The following IL1RAPL1 variants were observed in gnomAD, a reference collection of about 807,000 sequenced individuals.
IL1RAPL1 encodes the protein interleukin-1 receptor accessory protein-like 1.
Under a neutral mutation model 48.4 loss-of-function variants are expected in IL1RAPL1, and 3 were observed. The observed-to-expected ratio is 0.06, with a 90% CI of 0.03 to 0.16. The LOEUF (loss-of-function observed/expected upper bound fraction) is 0.16. Ranked by LOEUF, IL1RAPL1 falls within the 10% of genes least tolerant of loss-of-function variation. IL1RAPL1 has a pLI of 1.00. For missense variants in IL1RAPL1, 349 were observed against 530.6 expected (o/e 0.66, Z 3.36); for synonymous variants, 185 against 187.7 (o/e 0.99, Z 0.12).
intron 2 of IL1RAPL1, among the ~76,000 whole-genome samples, chrX:29,055,614 A>G (rs753928849): frequency 1.3e-3 from 141 of 112,024 alleles, no homozygotes; most frequent in South Asian, 5.9e-3. Flanking sequence ...GCTATGTCCT[A>G]CTTTATTTTG....
chrX:29,673,989 A>G (rs916883348), intron 6 of IL1RAPL1, among the ~76,000 whole-genome samples: 1 of 112,540 alleles, frequency 8.9e-6, no homozygotes, highest in Non-Finnish European at 1.9e-5. Context: ...TCATTGTATG[A>G]CCTAACTTAC....
chrX:29,660,785 T>C (rs1054043804), intron 5 of IL1RAPL1, among the ~76,000 whole-genome samples: 14 of 112,210 alleles, frequency 1.2e-4, no homozygotes, highest in African/African-American at 4.5e-4. Flanking sequence ...AACTTTGTTC[T>C]TTCTGATTAG....
intron 1 of IL1RAPL1, among the ~76,000 whole-genome samples, chrX:28,628,258 CTA>C (rs1036849246): frequency 8.9e-6 from 1 of 111,914 alleles, no homozygotes; most frequent in Non-Finnish European, 1.9e-5. Flanking sequence ...CTGCTGCAAT[CTA>C]TTAACCAAAA....
chrX:29,723,172 A>G (rs1020263105), intron 6 of IL1RAPL1, among the ~76,000 whole-genome samples: 22 of 112,409 alleles, frequency 2.0e-4, no homozygotes, highest in African/African-American at 6.1e-4. Context: ...TACATTCCCT[A>G]TGATTTTTTA....
At chrX:29,283,755 TCCC>T (rs763154375) in intron 3 of IL1RAPL1, among the ~76,000 whole-genome samples, 64 of 112,225 alleles carry the variant, frequency 5.7e-4, no homozygotes, top group African/African-American at 2.0e-3. Flanking sequence ...ACAAAAATCT[TCCC>T]AAGTCTTTCA....
intron 5 of IL1RAPL1, among the ~76,000 whole-genome samples, chrX:29,529,673 T>G (rs1211019501): frequency 1.8e-5 from 2 of 109,765 alleles, no homozygotes; most frequent in African/African-American, 3.3e-5. Flanking sequence ...TTTCCTGAGT[T>G]TGATCACTGA....
At chrX:29,672,963 C>T (rs1926178230) in intron 6 of IL1RAPL1, among the ~76,000 whole-genome samples, 1 of 111,816 alleles carries the variant, frequency 8.9e-6, no homozygotes, top group African/African-American at 3.2e-5. Flanking sequence ...AAACATAGAT[C>T]TTAGTAAAAG....
At chrX:29,902,502 C>T (rs1042128677) in intron 6 of IL1RAPL1, among the ~76,000 whole-genome samples, 2 of 111,125 alleles carry the variant, frequency 1.8e-5, no homozygotes, top group African/African-American at 6.5e-5. Flanking sequence ...TGCCTCTCTT[C>T]ATTTGATTAC....
At chrX:29,240,825 C>T (rs1450474529) in intron 2 of IL1RAPL1, among the ~76,000 whole-genome samples, 1 of 111,889 alleles carries the variant, frequency 8.9e-6, no homozygotes, top group Non-Finnish European at 1.9e-5. Context: ...GACACTAATA[C>T]ATGAAGCACA....
chrX:28,759,013 G>T (rs983959617), intron 1 of IL1RAPL1, among the ~76,000 whole-genome samples: 14 of 112,211 alleles, frequency 1.2e-4, no homozygotes, highest in African/African-American at 4.2e-4. Context: ...GAGGAGGGCA[G>T]ATCACCTAAG....
At chrX:29,577,197 T>C (rs1922804556) in intron 5 of IL1RAPL1, among the ~76,000 whole-genome samples, 2 of 112,045 alleles carry the variant, frequency 1.8e-5, no homozygotes, top group African/African-American at 6.5e-5. Flanking sequence ...AGGGCACATA[T>C]CTTTTGTCAT....
chrX:29,342,150 GTGTGTT>G (rs1280374074), intron 3 of IL1RAPL1, among the ~76,000 whole-genome samples: 1,205 of 93,824 alleles, frequency 0.013, 9 homozygotes, highest in African/African-American at 0.02. Context: ...GTGTGTGTGT[GTGTGTT>G]TGTTTTGTTT....
At chrX:29,850,957 C>CT (rs1414144094) in intron 6 of IL1RAPL1, among the ~76,000 whole-genome samples, 3 of 111,744 alleles carry the variant, frequency 2.7e-5, no homozygotes, top group African/African-American at 9.8e-5. Flanking sequence ...ATACCAAGAA[C>CT]TTTCTCCCTT....
At chrX:29,036,943 G>A (rs994514081) in intron 2 of IL1RAPL1, among the ~76,000 whole-genome samples, 1 of 111,723 alleles carries the variant, frequency 9.0e-6, no homozygotes, top group Non-Finnish European at 1.9e-5. Flanking sequence ...TGTATTACTC[G>A]AAACATAATT....
chrX:29,200,385 CAAAA>C (rs1171661076), intron 2 of IL1RAPL1, among the ~76,000 whole-genome samples: 1 of 111,233 alleles, frequency 9.0e-6, no homozygotes, highest in Non-Finnish European at 1.9e-5. Flanking sequence ...AGTTTCTACT[CAAAA>C]AAGTGACACA....
intron 1 of IL1RAPL1, among the ~76,000 whole-genome samples, chrX:28,765,049 A>G (rs1442056883): frequency 9.2e-6 from 1 of 108,772 alleles, no homozygotes; most frequent in Non-Finnish European, 1.9e-5. Context: ...AAACTATCAC[A>G]AGGACAAAAA....
In IL1RAPL1 at chrX:29,193,364, C is replaced by A. The variant is rs1042783022; in HGVS notation, c.83-89574C>A. ...ATTCTCAGAATTCCCATATTACCAT[C>A]TTCTAAAATAAAGTTTTCTGTTTTT... On this transcript the variant is annotated intron_variant, in intron 2 of 10. Coordinates refer to ENST00000378993, the MANE Select transcript of IL1RAPL1 (RefSeq NM_014271.4). Among the ~76,000 whole-genome samples, 3 of 110,980 alleles carry A rather than the reference C, an allele frequency of 2.7e-5. No individual in the cohort carries two copies. In the East Asian group the frequency reaches 8.5e-4, roughly 31 times the overall value.
chrX:29,638,268 C>CTTTT (rs775877178), intron 5 of IL1RAPL1, among the ~76,000 whole-genome samples: 1 of 93,367 alleles, frequency 1.1e-5, no homozygotes, highest in African/African-American at 3.9e-5. Flanking sequence ...CACCAATTAA[C>CTTTT]TTTTTTTTTT....
intron 6 of IL1RAPL1, among the ~76,000 whole-genome samples, chrX:29,691,772 A>AAAAAAAAAAAG (rs34962805): frequency 3.3e-5 from 3 of 90,133 alleles, no homozygotes; most frequent in Non-Finnish European, 6.2e-5. Flanking sequence ...AAAAAAAAAA[A>AAAAAAAAAAAG]CTCACTATAC....
Sources: gnomAD v4.1 joint callset for allele counts (sites outside exome capture counted in the v4.1 genomes callset) on GRCh38, gnomAD v4.1.1 for gene constraint, MANE v1.5 for transcripts, NCBI Gene and HGNC (gene_info 2026-07-23, HGNC 2026-07-21) for gene names.